The following SGCD variants were observed in gnomAD, a reference collection of about 807,000 sequenced individuals.
The protein encoded by SGCD is delta-sarcoglycan.
In SGCD, 18 loss-of-function variants were observed where a neutral mutation model predicts 36.6. That is an observed-to-expected ratio of 0.49 (90% CI 0.34 to 0.73). The LOEUF (loss-of-function observed/expected upper bound fraction) is 0.73. SGCD is among the 30% of genes least tolerant of loss of function. The pLI is 0.01. For missense variants in SGCD, 387 were observed against 346.7 expected (o/e 1.12, Z -0.92); for synonymous variants, 133 against 130.6 (o/e 1.02, Z -0.12).
chr5:156,298,867 T>A (rs765308640), intron 3 of SGCD, among the ~76,000 whole-genome samples: 1 of 152,192 alleles, frequency 6.6e-6, no homozygotes, highest in Non-Finnish European at 1.5e-5. Context: ...GATTAATATT[T>A]TCAAATATTT....
chr5:155,915,362 C>G (rs560188880), intron 1 of SGCD, among the ~76,000 whole-genome samples: 1 of 152,168 alleles, frequency 6.6e-6, no homozygotes, highest in African/African-American at 2.4e-5. Flanking sequence ...TGACATTTCC[C>G]CCATTGAAAA....
Position 156,272,861 on chromosome 5 carries a change from T to C in SGCD, c.-43-56673T>C, listed in dbSNP as rs1158608336. ...GTTTGAAAAAAACACATCGCCACAC[T>C]CATTTGTTTATGTATTGTCTGTGGC... On this transcript the variant is annotated intron_variant, in intron 3 of 9. Transcript: ENST00000517913. Among the ~76,000 whole-genome samples the C allele has an allele frequency of 3.3e-5, 5 of 152,296 alleles. No homozygotes were observed. The East Asian group carries it at 7.7e-4, about 24-fold the overall frequency.
chr5:156,535,768 A>C (rs757246193), intron 4 of SGCD, among the ~76,000 whole-genome samples: 2 of 152,158 alleles, frequency 1.3e-5, no homozygotes, highest in Non-Finnish European at 2.9e-5. Flanking sequence ...ACAGTCTAAA[A>C]CATTCTAGTA....
chr5:156,141,333 A>T (rs890297087), intron 3 of SGCD, among the ~76,000 whole-genome samples: 4 of 152,134 alleles, frequency 2.6e-5, no homozygotes, highest in African/African-American at 9.7e-5. Context: ...CATGGGAGCA[A>T]GGTCACCCCA....
intron 7 of SGCD, among the ~76,000 whole-genome samples, chr5:156,657,711 G>A (rs1763748605): frequency 6.6e-6 from 1 of 152,076 alleles, no homozygotes; most frequent in African/African-American, 2.4e-5. Context: ...GCAGTTGTAG[G>A]GGTGGGTTGC....
chr5:156,255,274 C>T (rs1255931514), intron 3 of SGCD, among the ~76,000 whole-genome samples: 1 of 152,110 alleles, frequency 6.6e-6, no homozygotes, highest in Non-Finnish European at 1.5e-5. Flanking sequence ...TCGATATAAA[C>T]CCAATTTTAT....
At chr5:156,427,029 C>A (rs1475184622) in intron 3 of SGCD, among the ~76,000 whole-genome samples, 2 of 151,924 alleles carry the variant, frequency 1.3e-5, no homozygotes, top group African/African-American at 4.8e-5. Flanking sequence ...TATGTGGGCT[C>A]CTCTGTGTTT....
At chr5:156,343,447 A>G (rs1196504015) in intron 2 of SGCD, among the ~76,000 whole-genome samples, 1 of 152,160 alleles carries the variant, frequency 6.6e-6, no homozygotes, top group African/African-American at 2.4e-5. Context: ...CATTCATATG[A>G]TTTAGTTTAA....
the SGCD span, among the ~76,000 whole-genome samples, chr5:155,806,897 G>A: frequency 6.6e-6 from 1 of 152,164 alleles, no homozygotes; most frequent in African/African-American, 2.4e-5. Flanking sequence ...AGTAATCTCA[G>A]AAGAGTTTAT....
At chr5:156,596,276 T>C (rs1419533000) in intron 6 of SGCD, among the ~76,000 whole-genome samples, 1 of 152,194 alleles carries the variant, frequency 6.6e-6, no homozygotes, top group Non-Finnish European at 1.5e-5. Context: ...GTGATTAAAA[T>C]CTCAGGCTCT....
chr5:156,642,216 C>T (rs1312170012), intron 6 of SGCD, among the ~76,000 whole-genome samples: 1 of 152,112 alleles, frequency 6.6e-6, no homozygotes, highest in Non-Finnish European at 1.5e-5. Flanking sequence ...CCAAACGCCC[C>T]ACCTCCTAAT....
intron 3 of SGCD, among the ~76,000 whole-genome samples, chr5:156,446,868 T>A (rs548689837): frequency 1.3e-5 from 2 of 152,274 alleles, no homozygotes; most frequent in South Asian, 4.1e-4. Flanking sequence ...CTATAAGCCC[T>A]CCTCTCCAAC....
intron 7 of SGCD, among the ~76,000 whole-genome samples, chr5:156,736,995 A>C (rs1310368916): frequency 6.6e-6 from 1 of 152,156 alleles, no homozygotes; most frequent in African/African-American, 2.4e-5. Context: ...GGGTAATATA[A>C]AATTGCAAAG....
In SGCD at chr5:156,757,587, G is replaced by A. The variant is rs761921165; in HGVS notation, c.582G>A (p.Glu194=). 2 of 1,600,030 alleles carry A rather than the reference G, an allele frequency of 1.2e-6. No individual in the cohort carries two copies. The highest frequency in any genetic ancestry group is 1.7e-6 in the Non-Finnish European group (2 of 1,173,048). The change falls in exon 8 of 9, where the codon GAG becomes GAA. Residue 194 remains glutamate (E), a synonymous_variant. Coordinates refer to ENST00000337851, the MANE Select transcript of SGCD (RefSeq NM_000337.6). ...GATCTTGGGTGTTTTTCAGGTTGGAGTCCCCAACCCGGTCTCTAGTGATGG... is the reference window on the plus strand; with the variant it reads ...GATCTTGGGTGTTTTTCAGGTTGGAATCCCCAACCCGGTCTCTAGTGATGG... ...RADPFKELRL[E]SPTRSLVMEA...
intron 3 of SGCD, among the ~76,000 whole-genome samples, chr5:156,462,841 C>T (rs1331886183): frequency 6.6e-6 from 1 of 151,922 alleles, no homozygotes; most frequent in African/African-American, 2.4e-5. Flanking sequence ...ATTTTTGCAC[C>T]ACCCTAATAG....
intron 1 of SGCD, among the ~76,000 whole-genome samples, chr5:156,043,760 C>G (rs750377564): frequency 2.0e-4 from 30 of 152,000 alleles, no homozygotes; most frequent in Non-Finnish European, 2.8e-4. Flanking sequence ...GAGTAATATC[C>G]AACACTCTTT....
intron 1 of SGCD, among the ~76,000 whole-genome samples, chr5:155,933,960 T>C (rs1420369838): frequency 1.3e-5 from 2 of 152,164 alleles, no homozygotes; most frequent in Non-Finnish European, 2.9e-5. Flanking sequence ...AGAATGGAAA[T>C]GAAACCATGA....
chr5:156,387,371 A>T (rs1319893571), intron 3 of SGCD, among the ~76,000 whole-genome samples: 1 of 152,214 alleles, frequency 6.6e-6, no homozygotes, highest in Non-Finnish European at 1.5e-5. Flanking sequence ...CTGGCAAATG[A>T]TTAATGTGCT....
chr5:155,764,492 T>G, the SGCD span, among the ~76,000 whole-genome samples: 1 of 152,172 alleles, frequency 6.6e-6, no homozygotes, highest in Non-Finnish European at 1.5e-5. Flanking sequence ...TGCTCTGCAT[T>G]TGTTCATTCT....
Sources: allele counts gnomAD v4.1 joint callset (sites outside exome capture counted in the v4.1 genomes callset), GRCh38; gene constraint gnomAD v4.1.1; transcripts MANE v1.5; gene names NCBI Gene and HGNC (gene_info 2026-07-23, HGNC 2026-07-21).